Variants in ABR observed in about 807,000 individuals in gnomAD.
The protein encoded by ABR is ABR activator of RhoGEF and GTPase, also known as active breakpoint cluster region-related protein.
In ABR, 35 loss-of-function variants were observed where a neutral mutation model predicts 107.2. That is an observed-to-expected ratio of 0.33 (90% confidence interval 0.25 to 0.43). The LOEUF (loss-of-function observed/expected upper bound fraction) is 0.43. Ranked by LOEUF, ABR falls within the 20% of genes least tolerant of loss-of-function variation. ABR has a pLI of 1.00. For synonymous variants in ABR, 498 were observed against 462.0 expected, an observed-to-expected ratio of 1.08 and a Z score of -1.00; for missense variants, 815 against 1,115.2, an observed-to-expected ratio of 0.73 and a Z score of 3.83.
chr17:1,111,987 G>A (rs767727512), intron 2 of ABR, among the ~76,000 whole-genome samples: 9 of 152,172 alleles, frequency 5.9e-5, no homozygotes, highest in Non-Finnish European at 1.2e-4. Context: ...TAGTGCGGCC[G>A]CCATCTTACG....
rs548178877 is a variant in ABR at position 1,150,888 on chromosome 17, G to A, written c.62-25521C>T. Among the ~76,000 whole-genome samples, 7 of 152,262 alleles carry A rather than the reference G, an allele frequency of 4.6e-5. No individual in the cohort carries two copies. The East Asian group carries it at 7.7e-4, about 17-fold the overall frequency. On this transcript the variant is annotated intron_variant, in intron 1 of 22. Coordinates refer to ENST00000302538, the MANE Select transcript of ABR (RefSeq NM_021962.5). The surrounding 1 kb of genome is among the most constrained non-coding windows in gnomAD (Gnocchi z 4.8). ...CTCCCTTGCTGAGCTACTGGTGCGCGTATGTGTGCATATATATACACATGT... is the reference window on the plus strand; with the variant it reads ...CTCCCTTGCTGAGCTACTGGTGCGCATATGTGTGCATATATATACACATGT...
At chr17:1,131,111 G>GCC (rs1252896521) in intron 1 of ABR, among the ~76,000 whole-genome samples, 1 of 144,230 alleles carries the variant, frequency 6.9e-6, no homozygotes, top group African/African-American at 2.7e-5. Flanking sequence ...CAAATGCAGT[G>GCC]CCTGCCACGC....
At chr17:1,069,122 G>T (rs1281439455) in intron 9 of ABR, among the ~76,000 whole-genome samples, 1 of 152,180 alleles carries the variant, frequency 6.6e-6, no homozygotes, top group Non-Finnish European at 1.5e-5. Flanking sequence ...CAGGGAAAAT[G>T]CTTATGACAC....
chr17:1,169,566 C>A (rs1157956911), intron 1 of ABR, among the ~76,000 whole-genome samples: 1 of 152,200 alleles, frequency 6.6e-6, no homozygotes, highest in Non-Finnish European at 1.5e-5. Flanking sequence ...CCCCCAGACA[C>A]AGGCCTTCCC....
At chr17:1,034,275 A>AGT (rs1474412402) in intron 16 of ABR, among the ~76,000 whole-genome samples, 1 of 152,122 alleles carries the variant, frequency 6.6e-6, no homozygotes, top group Non-Finnish European at 1.5e-5. Context: ...CTCTAGAGGT[A>AGT]GTGACTGAGG....
At chr17:1,125,458 C>A in intron 1 of ABR, 91 bp from the exon 2 acceptor site, 1 of 1,485,592 alleles carries the variant, frequency 6.7e-7, no homozygotes, top group Non-Finnish European at 9.3e-7. Context: ...CGGCCCCCGG[C>A]AGCCATGGCC....
At chr17:1,096,481 A>C (rs1165693259) in intron 3 of ABR, among the ~76,000 whole-genome samples, 2 of 152,180 alleles carry the variant, frequency 1.3e-5, no homozygotes, top group East Asian at 3.9e-4. Flanking sequence ...AGGGGTTCCC[A>C]GCTCAGGGAG....
At chr17:1,125,491 G>A in intron 1 of ABR, 124 bp from the exon 2 acceptor site, 1 of 1,087,040 alleles carries the variant, frequency 9.2e-7, no homozygotes, top group South Asian at 1.5e-5. Context: ...TCCACGCCTG[G>A]CCCGGGCGGG....
chr17:1,173,963 A>G (rs2151609291), intron 1 of ABR, among the ~76,000 whole-genome samples: 1 of 152,292 alleles, frequency 6.6e-6, no homozygotes, highest in Admixed American at 6.5e-5. Flanking sequence ...GAATTAATCC[A>G]CACAACACCC....
chr17:1,134,087 C>G (rs927422379), intron 1 of ABR, among the ~76,000 whole-genome samples: 2 of 152,168 alleles, frequency 1.3e-5, no homozygotes, highest in Non-Finnish European at 2.9e-5. Context: ...CGAGACCAGC[C>G]TGGGCAAGAT....
chr17:1,097,513 C>T (rs1256746720), intron 3 of ABR, among the ~76,000 whole-genome samples: 2 of 151,152 alleles, frequency 1.3e-5, no homozygotes, highest in East Asian at 3.9e-4. Flanking sequence ...ATGGCTTGAA[C>T]CCAGGAGGCG....
intron 1 of ABR, among the ~76,000 whole-genome samples, chr17:1,156,918 G>A (rs2041067796): frequency 2.0e-5 from 3 of 152,140 alleles, no homozygotes; most frequent in Admixed American, 2.0e-4. Context: ...TTTAGCCGAG[G>A]GTTTTGAGCT....
intron 10 of ABR, among the ~76,000 whole-genome samples, chr17:1,062,095 T>C (rs560388293): frequency 1.3e-5 from 2 of 152,310 alleles, no homozygotes; most frequent in East Asian, 3.9e-4. Flanking sequence ...AAGCTGAACC[T>C]GAGAGGTGAG....
chr17:1,101,895 A>T (rs138791172), intron 2 of ABR, among the ~76,000 whole-genome samples: 2 of 151,922 alleles, frequency 1.3e-5, no homozygotes, highest in Middle Eastern at 3.4e-3. Flanking sequence ...CACCACGCCC[A>T]GCTAACTTTT....
chr17:1,149,172 G>A (rs2040689602), intron 1 of ABR, among the ~76,000 whole-genome samples: 1 of 152,002 alleles, frequency 6.6e-6, no homozygotes, highest in Non-Finnish European at 1.5e-5. Context: ...CAAAGTGCTG[G>A]GATTACAGGC....
chr17:1,045,500 G>A (rs1015584659), intron 16 of ABR, among the ~76,000 whole-genome samples: 2 of 152,214 alleles, frequency 1.3e-5, no homozygotes, highest in African/African-American at 2.4e-5. Flanking sequence ...ATAGCAGGAG[G>A]CAGCAGGACA....
intron 16 of ABR, among the ~76,000 whole-genome samples, chr17:1,049,342 A>AT (rs1458338844): frequency 2.6e-5 from 4 of 151,876 alleles, no homozygotes; most frequent in Admixed American, 6.6e-5. Flanking sequence ...TAATTTTTGT[A>AT]TTTTTAGTAG....
chr17:1,082,905 G>GC (rs970273443), intron 5 of ABR, among the ~76,000 whole-genome samples: 1 of 152,040 alleles, frequency 6.6e-6, no homozygotes, highest in Non-Finnish European at 1.5e-5. Context: ...GCTGAGACGG[G>GC]CACATCACCC....
chr17:1,209,020 T>G lies in ABR; in HGVS notation c.838+19773A>C, dbSNP rs2042852782. On this transcript the variant is annotated intron_variant, in intron 1 of 22. Transcript: ENST00000574139. Reference sequence around the variant, plus strand: ...TGCTAGCCTAGTACCACAGTTACACTGAAGGCTCCTGAAGCAGAATTTTGA... The same window carrying G: ...TGCTAGCCTAGTACCACAGTTACACGGAAGGCTCCTGAAGCAGAATTTTGA... Among the ~76,000 whole-genome samples, 4 of 152,132 alleles carry G rather than the reference T, an allele frequency of 2.6e-5. No individual in the cohort carries two copies. In the South Asian group the frequency reaches 8.3e-4, roughly 31 times the overall value.
Sources: gnomAD v4.1 joint callset for allele counts (sites outside exome capture counted in the v4.1 genomes callset) on GRCh38, gnomAD v4.1.1 for gene constraint, Gnocchi (gnomAD v3.1) non-coding constraint, MANE v1.5 for transcripts, NCBI Gene and HGNC (gene_info 2026-07-23, HGNC 2026-07-21) for gene names.